The following PIWIL1 variants were observed in gnomAD, a reference collection of about 807,000 sequenced individuals.
PIWIL1 encodes piwi-like protein 1.
PIWIL1 carries 73 observed loss-of-function variants against 114.4 expected under a neutral mutation model. The ratio of observed to expected loss-of-function variants is 0.64; its 90% confidence interval spans 0.53 to 0.78. PIWIL1 has a LOEUF of 0.78. Ranked by LOEUF, PIWIL1 falls within the 30% of genes least tolerant of loss-of-function variation. PIWIL1 has a pLI of 0.00. For missense variants in PIWIL1, 723 were observed against 1,063.1 expected, an observed-to-expected ratio of 0.68 and a Z score of 4.45; for synonymous variants, 375 against 369.0, an observed-to-expected ratio of 1.02 and a Z score of -0.19.
intron 14 of PIWIL1, among the ~76,000 whole-genome samples, chr12:130,359,467 C>T (rs1378561379): frequency 1.3e-5 from 2 of 152,192 alleles, no homozygotes; most frequent in Admixed American, 6.5e-5. Context: ...CATTCCCTGC[C>T]CTGCTCTTGC....
the PIWIL1 span, among the ~76,000 whole-genome samples, chr12:130,413,475 C>CA: frequency 5.7e-4 from 86 of 151,732 alleles, no homozygotes; most frequent in African/African-American, 2.0e-3. Flanking sequence ...ACTAAAAATG[C>CA]AAAAAAATTT....
intron 1 of PIWIL1, among the ~76,000 whole-genome samples, chr12:130,340,548 C>T (rs1297261015): frequency 2.7e-5 from 4 of 150,018 alleles, no homozygotes; most frequent in Admixed American, 6.7e-5. Flanking sequence ...TCAGGCTGTC[C>T]TGCTCACTCA....
chr12:130,347,154 A>G (rs1318795508), intron 6 of PIWIL1, 92 bp downstream of exon 6: 11 of 978,332 alleles, frequency 1.1e-5, no homozygotes, highest in Non-Finnish European at 1.7e-5. Flanking sequence ...CTAGATTTTC[A>G]GCATTGGTTG....
Position 130,355,557 on chromosome 12 carries a change from G to A in PIWIL1, c.1294G>A (p.Asp432Asn), listed in dbSNP as rs752357190. The change falls in exon 12 of 21, where the codon GAT becomes AAT. Residue 432 changes from aspartate (D) to asparagine (N), a missense_variant. Physicochemically the swap from Asp to Asn is conservative, Grantham distance 23. Transcript: ENST00000245255. ...GTAAATGTGTTAAATTTACAGAAAC[G>A]ATAATGTTCAAAGGGAGCTTCGAGA... ...GRLIDYIHKN[D>N]NVQRELRDWG... 47 of 1,608,650 alleles carry A rather than the reference G, an allele frequency of 2.9e-5. No homozygotes were observed. The highest frequency in any genetic ancestry group is 1.3e-4 in the South Asian group (12 of 90,966).
rs1421972079 is a variant in PIWIL1, at chr12:130,372,271, T to C, written c.*673T>C. On this transcript the variant is annotated 3_prime_UTR_variant, in exon 21 of 21. Transcript: ENST00000245255. ...ATTAACATTACTATTTATTTTGTTT[T>C]GGAACTGGGACATGATTCTATTTGT... 1 of 152,230 alleles carries C rather than the reference T, an allele frequency of 6.6e-6. No homozygotes were observed. The highest frequency in any genetic ancestry group is 1.5e-5 in the Non-Finnish European group (1 of 68,044). The allele number at this position is 152,230 out of a possible 1,614,324, so 9.4% of individuals were successfully genotyped here.
At chr12:130,359,540 T>C (rs896105929) in intron 14 of PIWIL1, among the ~76,000 whole-genome samples, 2 of 152,190 alleles carry the variant, frequency 1.3e-5, no homozygotes, top group Non-Finnish European at 2.9e-5. Context: ...TCAGGTTCTC[T>C]CAACTTGTCC....
chr12:130,337,901 G>T lies in PIWIL1; in HGVS notation c.-258G>T, dbSNP rs79528159. 0.04 allele frequency: 6,313 copies of T among 158,938 alleles called. 225 individuals carry two copies. Among genetic ancestry groups the T allele is most frequent in the South Asian group, 0.17 (960 of 5,664 alleles). The allele number at this position is 158,938 out of a possible 1,614,324, so 9.8% of individuals were successfully genotyped here. On this transcript the variant is annotated 5_prime_UTR_variant, in exon 1 of 21. An upstream start codon of the reference 5' UTR is lost. Transcript: ENST00000245255. ...CGCTTTCCGCCGTTACTGGGCGTAT[G>T]GCGTACAGACACGAGGCCGGCGCCC...
downstream of PIWIL1, among the ~76,000 whole-genome samples, chr12:130,376,457 A>G (rs189135888): frequency 8.5e-5 from 13 of 152,300 alleles, no homozygotes; most frequent in Admixed American, 7.8e-4. Flanking sequence ...CAGAACTCCA[A>G]AGGAGTCTGA....
the PIWIL1 span, among the ~76,000 whole-genome samples, chr12:130,415,811 ACT>A: frequency 2.6e-5 from 4 of 152,182 alleles, no homozygotes; most frequent in Non-Finnish European, 5.9e-5. Context: ...AACCCTGAAG[ACT>A]CTGCTAAAAG....
intron 1 of PIWIL1, among the ~76,000 whole-genome samples, chr12:130,339,977 C>G (rs940677519): frequency 6.6e-6 from 1 of 152,188 alleles, no homozygotes; most frequent in African/African-American, 2.4e-5. Context: ...TGTAAGGTGT[C>G]AAGCGACGGA....
At position 130,345,740 on chromosome 12, in the gene PIWIL1, A is replaced by G. The variant is rs775619373; in HGVS notation, c.191-13A>G. ...GTGCTTTATGTTGCTCAAGTACACA[A>G]TTTTTTTTTAAGGACTCCAGATATC... On this transcript the variant is annotated splice_polypyrimidine_tract_variant and intron_variant, in intron 3 of 20. Coordinates refer to ENST00000245255, the MANE Select transcript of PIWIL1 (RefSeq NM_004764.5). 1.9e-5 allele frequency: 29 copies of G among 1,565,958 alleles called. No homozygotes were observed. The highest frequency in any genetic ancestry group is 2.4e-5 in the Non-Finnish European group (27 of 1,144,096).
chr12:130,340,932 T>G (rs542894973), intron 1 of PIWIL1, among the ~76,000 whole-genome samples: 1 of 152,274 alleles, frequency 6.6e-6, no homozygotes, highest in Admixed American at 6.5e-5. Context: ...TCTTATACAA[T>G]GAATATTTGC....
chr12:130,360,411 G>A (rs148637879), intron 14 of PIWIL1, among the ~76,000 whole-genome samples: 18 of 152,188 alleles, frequency 1.2e-4, no homozygotes, highest in Admixed American at 3.3e-4. Context: ...CGAGGCAGGC[G>A]GATCACAAGT....
chr12:130,349,835 C>A, intron 8 of PIWIL1, 21 bp from the exon 9 acceptor site: 2 of 1,347,664 alleles, frequency 1.5e-6, no homozygotes, highest in Non-Finnish European at 2.1e-6. Context: ...CAAATGCAGT[C>A]AAATCTCAAC....
the PIWIL1 span, among the ~76,000 whole-genome samples, chr12:130,415,832 A>C: frequency 6.6e-6 from 1 of 152,354 alleles, no homozygotes; most frequent in African/African-American, 2.4e-5. Context: ...AGGCTCCTAA[A>C]CCAATAGACA....
chr12:130,402,360 C>T, the PIWIL1 span, among the ~76,000 whole-genome samples: 3 of 152,112 alleles, frequency 2.0e-5, no homozygotes, highest in African/African-American at 4.8e-5. Flanking sequence ...CCCCAGACGA[C>T]ATTCTCTGTC....
chr12:130,347,905 AT>A (rs1446707707), intron 6 of PIWIL1, among the ~76,000 whole-genome samples, 197 bp from the exon 7 acceptor site: 1 of 152,232 alleles, frequency 6.6e-6, no homozygotes, highest in Non-Finnish European at 1.5e-5. Flanking sequence ...GTATCATGAA[AT>A]AATCTTTTAT....
At chr12:130,391,215 C>G in the PIWIL1 span, among the ~76,000 whole-genome samples, 1 of 152,354 alleles carries the variant, frequency 6.6e-6, no homozygotes, top group African/African-American at 2.4e-5. Flanking sequence ...GCCCCGGCTT[C>G]TCGCCAAGGT....
chr12:130,344,225 C>T (rs1363151162), intron 3 of PIWIL1, among the ~76,000 whole-genome samples: 1 of 152,134 alleles, frequency 6.6e-6, no homozygotes, highest in African/African-American at 2.4e-5. Flanking sequence ...AAAATATCAG[C>T]CTTTATGACC....
Sources: allele counts gnomAD v4.1 joint callset (sites outside exome capture counted in the v4.1 genomes callset), GRCh38; gene constraint gnomAD v4.1.1; transcripts MANE v1.5; gene names NCBI Gene and HGNC (gene_info 2026-07-23, HGNC 2026-07-21).